DRC11: variants seen among roughly 807,000 people sequenced by gnomAD.
DRC11 encodes dynein regulatory complex subunit 11.
At chr2:236,407,423 G>A in the DRC11 span, among the ~76,000 whole-genome samples, 4 of 152,140 alleles carry the variant, frequency 2.6e-5, no homozygotes, top group Non-Finnish European at 5.9e-5. Context: ...TGGGCCCTCA[G>A]CTCTCTGGCT....
chr2:236,309,493 G>C, the DRC11 span, among the ~76,000 whole-genome samples: 2 of 152,116 alleles, frequency 1.3e-5, no homozygotes, highest in Admixed American at 6.5e-5. The surrounding 1 kb of genome is among the most constrained non-coding windows in gnomAD (Gnocchi z 5.7). Flanking sequence ...GGGAAGGCAG[G>C]GGCAGGAGGA....
At chr2:236,368,103 C>G in the DRC11 span, 4 of 810,692 alleles carry the variant, frequency 4.9e-6, no homozygotes, top group African/African-American at 3.4e-5. Context: ...GAGCACTGTA[C>G]TTTTGATGAC....
chr2:236,392,181 G>A, the DRC11 span: 1 of 1,486,486 alleles, frequency 6.7e-7, no homozygotes, highest in East Asian at 2.3e-5. The surrounding 1 kb of genome is among the most constrained non-coding windows in gnomAD (Gnocchi z 5.1). Context: ...GTAGGAAATT[G>A]TAAAGAAGCA....
chr2:236,386,503 G>A, the DRC11 span, among the ~76,000 whole-genome samples: 21 of 152,154 alleles, frequency 1.4e-4, no homozygotes, highest in South Asian at 2.7e-3. Flanking sequence ...GGGATCGGTG[G>A]TGATATCCCC....
At chr2:236,409,459 G>T in the DRC11 span, among the ~76,000 whole-genome samples, 3 of 152,092 alleles carry the variant, frequency 2.0e-5, no homozygotes, top group Non-Finnish European at 4.4e-5. Context: ...CATTGATTTT[G>T]TATCCTGAGA....
chr2:236,311,136 C>A, the DRC11 span, among the ~76,000 whole-genome samples: 23 of 152,224 alleles, frequency 1.5e-4, no homozygotes, highest in Non-Finnish European at 3.1e-4. This position sits in a 1 kb window ranked among gnomAD's most constrained non-coding sequence, Gnocchi z 6.9. Context: ...CAGGTGTGTG[C>A]CGTGGGGAGG....
At chr2:236,475,979 T>C in the DRC11 span, among the ~76,000 whole-genome samples, 6 of 152,214 alleles carry the variant, frequency 3.9e-5, no homozygotes, top group Non-Finnish European at 7.3e-5. The surrounding 1 kb of genome is among the most constrained non-coding windows in gnomAD (Gnocchi z 4.8). Flanking sequence ...TACCGTTTTG[T>C]AGTATATTTT....
chr2:236,387,919 G>A, the DRC11 span, among the ~76,000 whole-genome samples: 12 of 151,932 alleles, frequency 7.9e-5, no homozygotes, highest in South Asian at 4.2e-4. Context: ...CTTCACTTAT[G>A]AAGCTTAGTT....
At chr2:236,405,278 A>G in the DRC11 span, among the ~76,000 whole-genome samples, 2 of 152,038 alleles carry the variant, frequency 1.3e-5, no homozygotes, top group South Asian at 2.1e-4. This position sits in a 1 kb window ranked among gnomAD's most constrained non-coding sequence, Gnocchi z 4.6. Flanking sequence ...AACAGGTGGG[A>G]GGAGAAGTGC....
the DRC11 span, among the ~76,000 whole-genome samples, chr2:236,356,527 G>C: frequency 6.6e-6 from 1 of 152,216 alleles, no homozygotes; most frequent in Non-Finnish European, 1.5e-5. Flanking sequence ...CTGACCTAGC[G>C]TGAAATCCAG....
the DRC11 span, among the ~76,000 whole-genome samples, chr2:236,491,172 TATATATATAC>T: frequency 0.029 from 2,766 of 96,928 alleles, 404 homozygotes; most frequent in African/African-American, 0.12. Flanking sequence ...TATATATATA[TATATATATAC>T]ACACAGTATA....
the DRC11 span, among the ~76,000 whole-genome samples, chr2:236,436,977 CAT>C: frequency 6.6e-6 from 1 of 151,862 alleles, no homozygotes; most frequent in Non-Finnish European, 1.5e-5. Flanking sequence ...TTTTAGGGGA[CAT>C]GTGCACAATG....
At chr2:236,314,480 G>A in the DRC11 span, among the ~76,000 whole-genome samples, 1 of 152,050 alleles carries the variant, frequency 6.6e-6, no homozygotes, top group Non-Finnish European at 1.5e-5. The surrounding 1 kb of genome is among the most constrained non-coding windows in gnomAD (Gnocchi z 4.5). Context: ...TAAAGCAAGA[G>A]AAACAAAAAG....
At chr2:236,493,259 C>T in the DRC11 span, among the ~76,000 whole-genome samples, 10 of 152,124 alleles carry the variant, frequency 6.6e-5, no homozygotes, top group Non-Finnish European at 1.5e-5. Context: ...AATTACCTCC[C>T]ACCAGGTTCC....
the DRC11 span, among the ~76,000 whole-genome samples, chr2:236,489,744 G>A: frequency 6.6e-6 from 1 of 152,142 alleles, no homozygotes; most frequent in Admixed American, 6.5e-5. Flanking sequence ...GCAAAGCGGT[G>A]AGACCCCGTC....
chr2:236,330,379 T>C, the DRC11 span, among the ~76,000 whole-genome samples: 1 of 152,252 alleles, frequency 6.6e-6, no homozygotes, highest in African/African-American at 2.4e-5. This position sits in a 1 kb window ranked among gnomAD's most constrained non-coding sequence, Gnocchi z 5.5. Flanking sequence ...ACTGCATGGC[T>C]CTCAAAGCCT....
At chr2:236,420,364 GCA>G in the DRC11 span, among the ~76,000 whole-genome samples, 11 of 152,174 alleles carry the variant, frequency 7.2e-5, no homozygotes, top group Admixed American at 3.9e-4. The surrounding 1 kb of genome is among the most constrained non-coding windows in gnomAD (Gnocchi z 4.8). Context: ...CGTACAAAAT[GCA>G]CAGAGTGAAA....
chr2:236,482,203 G>C, the DRC11 span, among the ~76,000 whole-genome samples: 1 of 151,520 alleles, frequency 6.6e-6, no homozygotes, highest in Admixed American at 6.6e-5. The surrounding 1 kb of genome is among the most constrained non-coding windows in gnomAD (Gnocchi z 4.5). Context: ...GTCAAAATTA[G>C]TCAGAAACAT....
the DRC11 span, among the ~76,000 whole-genome samples, chr2:236,307,026 G>A: frequency 2.0e-5 from 3 of 152,210 alleles, no homozygotes; most frequent in East Asian, 1.9e-4. This position sits in a 1 kb window ranked among gnomAD's most constrained non-coding sequence, Gnocchi z 7.0. Flanking sequence ...GGGATGGGGC[G>A]GGGTGATTGT....
Sources: allele counts gnomAD v4.1 joint callset (sites outside exome capture counted in the v4.1 genomes callset), GRCh38; gene constraint gnomAD v4.1.1; non-coding constraint Gnocchi (gnomAD v3.1); transcripts MANE v1.5; gene names NCBI Gene and HGNC (gene_info 2026-07-23, HGNC 2026-07-21).